The following CEP44 variants were observed in gnomAD, a reference collection of about 807,000 sequenced individuals.
CEP44 encodes centrosomal protein of 44 kDa.
In CEP44, 45 loss-of-function variants were observed where a neutral mutation model predicts 46.7. The observed-to-expected ratio is 0.96, with a 90% CI of 0.76 to 1.24. The LOEUF (loss-of-function observed/expected upper bound fraction) is 1.24, where lower values mean the gene tolerates loss of function less well. CEP44 is among the 50% of genes most tolerant of loss of function. The probability of loss-of-function intolerance (pLI) is 0.00; values close to 1 mark genes in which losing one functional copy is unlikely to be tolerated. For missense variants in CEP44, 475 were observed against 459.7 expected (o/e 1.03, Z -0.30); for synonymous variants, 142 against 146.0 (o/e 0.97, Z 0.20).
intron 1 of CEP44, among the ~76,000 whole-genome samples, chr4:174,296,763 A>ATTTTTTTTTTTTTTTTTTTTTTTT (rs202212472): frequency 1.1e-5 from 1 of 90,406 alleles, no homozygotes; most frequent in Admixed American, 1.4e-4. Context: ...GTCCTTACTG[A>ATTTTTTTTTTTTTTTTTTTTTTTT]TTTTTTTTTT....
At position 174,297,763 on chromosome 4, in the gene CEP44, C is replaced by T. The variant is rs953837420; in HGVS notation, c.-147-203C>T. ...TTGCCTGATGTTACCAAATTTAGTGCCTCCTTGATTCAATTTCTTTGGAGT... is the reference window on the plus strand; with the variant it reads ...TTGCCTGATGTTACCAAATTTAGTGTCTCCTTGATTCAATTTCTTTGGAGT... On this transcript the variant is annotated intron_variant, in intron 1 of 11. Coordinates refer to ENST00000503780, the MANE Select transcript of CEP44 (RefSeq NM_001040157.3). This position sits in a 1 kb window ranked among gnomAD's most constrained non-coding sequence, Gnocchi z 4.3. 6.6e-6 allele frequency among the ~76,000 whole-genome samples: 1 copy of T among 151,846 alleles called. No individual in the cohort carries two copies. The highest frequency in any genetic ancestry group is 2.4e-5 in the African/African-American group (1 of 41,336).
rs1739180921 is a variant in CEP44 at position 174,297,503 on chromosome 4, A to G, written c.-147-463A>G. On this transcript the variant is annotated intron_variant, in intron 1 of 11. Coordinates refer to ENST00000503780, the MANE Select transcript of CEP44 (RefSeq NM_001040157.3). This position sits in a 1 kb window ranked among gnomAD's most constrained non-coding sequence, Gnocchi z 4.3. ...TTATTGGGCAAGACCTGCCCTTTTCAATGGGGATTTTCCTCAAATGTCAGA... is the reference window on the plus strand; with the variant it reads ...TTATTGGGCAAGACCTGCCCTTTTCGATGGGGATTTTCCTCAAATGTCAGA... Among the ~76,000 whole-genome samples the G allele has an allele frequency of 6.6e-6, 1 of 152,174 alleles. No individual in the cohort carries two copies.
At chr4:174,333,369 T>C (rs1255430252) in exon 9 of CEP44, 4 of 150,532 alleles carry the variant, frequency 2.7e-5, no homozygotes, top group Admixed American at 1.3e-4. Context: ...TGAAAATAAA[T>C]ATGTCAGCAG....
chr4:174,310,819 G>T lies in CEP44; in HGVS notation c.922G>T (p.Asp308Tyr). The T allele has an allele frequency of 1.3e-6, 2 of 1,524,716 alleles. No individual in the cohort carries two copies. Among genetic ancestry groups the T allele is most frequent in the South Asian group, 1.2e-5 (1 of 85,358 alleles). The allele number at this position is 1,524,716 out of a possible 1,614,324, so 94.4% of individuals were successfully genotyped here. A position where few individuals can be genotyped will look rare whatever the true frequency, so the allele number is the denominator to read the frequency against. The change falls in exon 9 of 12, where the codon GAC becomes TAC. Residue 308 changes from aspartate to tyrosine, a missense_variant. Coordinates refer to ENST00000503780, the MANE Select transcript of CEP44 (RefSeq NM_001040157.3). The surrounding 1 kb of genome is among the most constrained non-coding windows in gnomAD (Gnocchi z 4.2). ...EFIEFNEVSE[D>Y]YASCSDMDLL... ...TATAGAGTTTAATGAAGTTAGTGAA[G>T]ACTACGCTTCTTGTAGTGACATGGA...
chr4:174,285,254 G>A (rs190191193), intron 1 of CEP44, among the ~76,000 whole-genome samples: 1 of 152,314 alleles, frequency 6.6e-6, no homozygotes, highest in Admixed American at 6.5e-5. Flanking sequence ...GTGTTAAAAT[G>A]TACATAAGTA....
At chr4:174,295,154 G>T (rs1204298586) in intron 1 of CEP44, among the ~76,000 whole-genome samples, 1 of 152,048 alleles carries the variant, frequency 6.6e-6, no homozygotes, top group Non-Finnish European at 1.5e-5. Context: ...CCCGGATGGG[G>T]TGGCTGCCGG....
chr4:174,296,930 A>C (rs1560893976), intron 1 of CEP44, among the ~76,000 whole-genome samples: 1 of 151,906 alleles, frequency 6.6e-6, no homozygotes, highest in East Asian at 1.9e-4. Context: ...AAAGATTGTT[A>C]TATTTTCTGG....
chr4:174,328,625 A>G (rs1339912902), intron 8 of CEP44, among the ~76,000 whole-genome samples: 5 of 152,212 alleles, frequency 3.3e-5, no homozygotes, highest in African/African-American at 9.6e-5. Flanking sequence ...CTTATGGTGT[A>G]TCCAGAAAAT....
Position 174,317,774 on chromosome 4 carries a change from C to T in CEP44, c.*391C>T, listed in dbSNP as rs1741900362. On this transcript the variant is annotated 3_prime_UTR_variant, in exon 12 of 12. Transcript: ENST00000503780. ...TTCCAAATGGGACTTGTGTATTATA[C>T]CCAGGAGGCTCTCATATATACCATC... The T allele has an allele frequency of 3.0e-6, 3 of 986,994 alleles. No homozygotes were observed. Among genetic ancestry groups the T allele is most frequent in the East Asian group, 1.1e-4 (1 of 8,880 alleles). 61.1% of individuals were successfully genotyped at this position (986,994 alleles called of 1,614,324 possible). A position where few individuals can be genotyped will look rare whatever the true frequency, so the allele number is the denominator to read the frequency against.
intron 1 of CEP44, among the ~76,000 whole-genome samples, chr4:174,284,819 T>C (rs1737386999): frequency 6.6e-6 from 1 of 152,232 alleles, no homozygotes; most frequent in Admixed American, 6.5e-5. Context: ...ATCTTTACTT[T>C]TTTGTTTTTG....
In CEP44 at chr4:174,308,835, T is replaced by A; in HGVS notation, c.654T>A (p.Val218=). 1 of 1,613,104 alleles carries A rather than the reference T, an allele frequency of 6.2e-7. No homozygotes were observed. Among genetic ancestry groups the A allele is most frequent in the Non-Finnish European group, 8.5e-7 (1 of 1,179,352 alleles). Residue 218 remains valine (V), a synonymous_variant, in exon 7 of 12, where the codon GTT becomes GTA. Transcript: ENST00000503780. ...AAATAAAGATGCCTGAAGTAAAGGT[T>A]CCTGAAATCAAGGCTGAGCAACAGG... The part of the protein sequence containing the change: ...ATEIKMPEVK[V]PEIKAEQQDV...
chr4:174,295,580 C>A (rs541444855), intron 1 of CEP44, among the ~76,000 whole-genome samples: 1 of 151,236 alleles, frequency 6.6e-6, no homozygotes, highest in Non-Finnish European at 1.5e-5. Context: ...ACTTCCCAGA[C>A]GGGGTGGCGG....
rs1170582867 is a variant in CEP44, at chr4:174,319,298, T to C, written c.*1915T>C. 2 of 976,814 alleles carry C rather than the reference T, an allele frequency of 2.0e-6. No homozygotes were observed. The highest frequency in any genetic ancestry group is 1.1e-4 in the East Asian group (1 of 8,790). 60.5% of individuals were successfully genotyped at this position (976,814 alleles called of 1,614,324 possible). A position where few individuals can be genotyped will look rare whatever the true frequency, so the allele number is the denominator to read the frequency against. ...TTAAGAGGTTAAGAGGTTATAGTTA[T>C]AAGGGAAAAAACTTCTGTATCGATT... is the stretch of plus-strand genomic sequence containing the variant. On this transcript the variant is annotated 3_prime_UTR_variant, in exon 12 of 12. Coordinates refer to ENST00000503780, the MANE Select transcript of CEP44 (RefSeq NM_001040157.3).
At position 174,308,825 on chromosome 4, in the gene CEP44, A is replaced by G; in HGVS notation, c.644A>G (p.Glu215Gly). Reference sequence around the variant, plus strand: ...AATGCTACTGAAATAAAGATGCCTGAAGTAAAGGTTCCTGAAATCAAGGCT... The same window carrying G: ...AATGCTACTGAAATAAAGATGCCTGGAGTAAAGGTTCCTGAAATCAAGGCT... ...DLNATEIKMP[E>G]VKVPEIKAEQ... Residue 215 changes from glutamate (E) to glycine (G), a missense_variant, in exon 7 of 12, where the codon GAA becomes GGA. Physicochemically the swap from Glu to Gly is moderately conservative, Grantham distance 98. Coordinates refer to ENST00000503780, the MANE Select transcript of CEP44 (RefSeq NM_001040157.3). 1 of 1,613,222 alleles carries G rather than the reference A, an allele frequency of 6.2e-7. No individual in the cohort carries two copies. The highest frequency in any genetic ancestry group is 8.5e-7 in the Non-Finnish European group (1 of 1,179,400).
chr4:174,293,043 G>A (rs989787480), intron 1 of CEP44, among the ~76,000 whole-genome samples: 1 of 152,132 alleles, frequency 6.6e-6, no homozygotes, highest in Non-Finnish European at 1.5e-5. Context: ...TCTCTTGCTG[G>A]GTCCCTTGGT....
chr4:174,319,368 T>C lies in CEP44; in HGVS notation c.*1985T>C, dbSNP rs542030567. The C allele has an allele frequency of 2.1e-5, 21 of 985,084 alleles. 1 individual carries two copies. Among genetic ancestry groups the C allele is most frequent in the Middle Eastern group, 5.2e-4 (1 of 1,910 alleles). The allele number at this position is 985,084 out of a possible 1,614,324, so 61.0% of individuals were successfully genotyped here. A position where few individuals can be genotyped will look rare whatever the true frequency, so the allele number is the denominator to read the frequency against. On this transcript the variant is annotated 3_prime_UTR_variant, in exon 12 of 12. Coordinates refer to ENST00000503780, the MANE Select transcript of CEP44 (RefSeq NM_001040157.3). ...CCAGCATGGAATTATAGCACCACCT[T>C]GTGGTTAACATGCCAGTATTTTACC...
In CEP44 at chr4:174,315,267, A is replaced by G. The variant is rs540365334; in HGVS notation, c.962-899A>G. On this transcript the variant is annotated intron_variant, in intron 9 of 11. Transcript: ENST00000503780. ...TTTTTTGCATTGCTTTTGCAGCCAA[A>G]TGTATTCTGACTGAAACACAGGGTT... is the stretch of plus-strand genomic sequence containing the variant. Among the ~76,000 whole-genome samples the G allele has an allele frequency of 1.8e-4, 28 of 151,752 alleles. No individual in the cohort carries two copies. In the South Asian group the frequency reaches 5.4e-3, roughly 29 times the overall value.
intron 1 of CEP44, among the ~76,000 whole-genome samples, chr4:174,291,665 G>A (rs1189135847): frequency 6.6e-6 from 1 of 151,188 alleles, no homozygotes; most frequent in East Asian, 1.9e-4. Context: ...TATCTTTTCA[G>A]TTAACTTGAA....
intron 8 of CEP44, among the ~76,000 whole-genome samples, chr4:174,328,823 C>A (rs558749352): frequency 3.2e-4 from 49 of 152,102 alleles, no homozygotes; most frequent in Non-Finnish European, 6.3e-4. Context: ...ACTTTTCAAG[C>A]CTAAATCATC....
Sources: gnomAD v4.1 joint callset for allele counts (sites outside exome capture counted in the v4.1 genomes callset) on GRCh38, gnomAD v4.1.1 for gene constraint, Gnocchi (gnomAD v3.1) non-coding constraint, MANE v1.5 for transcripts, NCBI Gene and HGNC (gene_info 2026-07-23, HGNC 2026-07-21) for gene names.